NDUFAF6: variants seen among roughly 807,000 people sequenced by gnomAD.
NDUFAF6 encodes NADH:ubiquinone oxidoreductase complex assembly factor 6.
In NDUFAF6, 45 loss-of-function variants were observed where a neutral mutation model predicts 40.8. The observed-to-expected ratio is 1.10, with a 90% CI of 0.87 to 1.42. The LOEUF is 1.42. Among genes scored for constraint, NDUFAF6 ranks in the 40% most tolerant of loss-of-function variants. NDUFAF6 has a pLI of 0.00. For missense variants in NDUFAF6, 435 were observed against 418.5 expected (o/e 1.04, Z -0.34); for synonymous variants, 185 against 155.9 (o/e 1.19, Z -1.39).
At chr8:95,037,274 T>A (rs1425001540) in intron 3 of NDUFAF6, among the ~76,000 whole-genome samples, 1 of 152,230 alleles carries the variant, frequency 6.6e-6, no homozygotes, top group Non-Finnish European at 1.5e-5. Flanking sequence ...ATTTACTTTT[T>A]TACCTTGGTC....
upstream of NDUFAF6, among the ~76,000 whole-genome samples, chr8:94,957,179 A>G (rs938285768): frequency 1.3e-5 from 2 of 152,178 alleles, no homozygotes; most frequent in African/African-American, 4.8e-5. Flanking sequence ...CTCAAAAAAT[A>G]AAAAATGGGG....
upstream of NDUFAF6, among the ~76,000 whole-genome samples, chr8:94,956,177 A>G (rs1039839512): frequency 6.6e-6 from 1 of 152,192 alleles, no homozygotes; most frequent in African/African-American, 2.4e-5. Context: ...TTAATGAGAT[A>G]ATGCATGTAA....
At chr8:94,951,200 AAAAG>A (rs1290716353) in intron 2 of NDUFAF6, 8 of 152,246 alleles carry the variant, frequency 5.3e-5, no homozygotes, top group African/African-American at 1.9e-4. Flanking sequence ...AGGCTATGTG[AAAAG>A]AAAGAGATGC....
At position 94,917,751 on chromosome 8, in the gene NDUFAF6, C is replaced by G. The variant is rs942812384; in HGVS notation, c.-936+21824C>G. Among the ~76,000 whole-genome samples the G allele has an allele frequency of 1.2e-4, 18 of 152,176 alleles. 1 individual carries two copies. Among genetic ancestry groups the G allele is most frequent in the African/African-American group, 3.9e-4 (16 of 41,440 alleles). On this transcript the variant is annotated intron_variant, in intron 1 of 14. Transcript: ENST00000396113. ...AAACTAATGTTATCCTGCTCTTTGT[C>G]AAATCCTCCCCTAAATGTTATGAAT...
At position 94,899,953 on chromosome 8, in the gene NDUFAF6, C is replaced by T. The variant is rs1234636055; in HGVS notation, c.-936+4026C>T. ...ACATGGAGCTGTCCACATCCCCTGT[C>T]CTTCTCACCTTGGGACCTTGGCACC... On this transcript the variant is annotated intron_variant, in intron 1 of 14. Coordinates refer to the NDUFAF6 transcript ENST00000396113. Among the ~76,000 whole-genome samples the T allele has an allele frequency of 2.0e-5, 3 of 152,212 alleles. No homozygotes were observed. In the East Asian group the frequency reaches 5.8e-4, roughly 29 times the overall value.
intron 2 of NDUFAF6, chr8:94,950,342 ACTGT>A (rs1285987181): frequency 6.6e-6 from 1 of 152,298 alleles, no homozygotes; most frequent in African/African-American, 2.4e-5. Flanking sequence ...AGGTGGATTA[ACTGT>A]CTGGCAAAGG....
At chr8:94,956,505 C>T (rs1326758048), upstream of NDUFAF6, among the ~76,000 whole-genome samples, 4 of 152,112 alleles carry the variant, frequency 2.6e-5, no homozygotes, top group Admixed American at 1.3e-4. Flanking sequence ...GAGACCAGAT[C>T]AGAGAGGTGG....
At chr8:95,040,210 C>T (rs915803095) in intron 3 of NDUFAF6, among the ~76,000 whole-genome samples, 4 of 152,106 alleles carry the variant, frequency 2.6e-5, no homozygotes, top group African/African-American at 9.7e-5. Flanking sequence ...TTGGATTTGT[C>T]TGATGTTTTG....
At chr8:95,036,249 G>A in intron 3 of NDUFAF6, 1 of 1,203,016 alleles carries the variant, frequency 8.3e-7, no homozygotes, top group Non-Finnish European at 1.1e-6. Context: ...TATGAGAGGA[G>A]GAAGGGAATT....
intron 1 of NDUFAF6, among the ~76,000 whole-genome samples, chr8:94,960,551 T>C (rs1436087282): frequency 1.3e-5 from 2 of 152,224 alleles, no homozygotes; most frequent in African/African-American, 4.8e-5. Flanking sequence ...GATGCCTTGC[T>C]TGGTGCACAG....
chr8:95,001,434 C>G (rs1826729946), intron 2 of NDUFAF6, among the ~76,000 whole-genome samples: 1 of 152,092 alleles, frequency 6.6e-6, no homozygotes, highest in Non-Finnish European at 1.5e-5. Context: ...GAGCACCAGG[C>G]CCTCAACCTT....
downstream of NDUFAF6, among the ~76,000 whole-genome samples, chr8:95,079,688 G>A (rs954676024): frequency 6.6e-6 from 1 of 150,520 alleles, no homozygotes; most frequent in Non-Finnish European, 1.5e-5. Context: ...CTTGAAGGAA[G>A]AAGAAATAAC....
intron 1 of NDUFAF6, among the ~76,000 whole-genome samples, chr8:94,923,879 C>T (rs532818761): frequency 1.3e-3 from 203 of 150,454 alleles, no homozygotes; most frequent in African/African-American, 4.7e-3. Context: ...TAGTATAGGC[C>T]GGGTTTCACC....
At chr8:94,963,068 G>A (rs1285335437) in intron 1 of NDUFAF6, among the ~76,000 whole-genome samples, 1 of 151,806 alleles carries the variant, frequency 6.6e-6, no homozygotes, top group Non-Finnish European at 1.5e-5. Flanking sequence ...TGGGATTACA[G>A]ACAGGCGTGA....
intron 9 of NDUFAF6, among the ~76,000 whole-genome samples, chr8:95,065,483 A>C (rs1428913145): frequency 2.6e-5 from 4 of 152,156 alleles, no homozygotes; most frequent in African/African-American, 9.7e-5. Flanking sequence ...TACATTCTAC[A>C]TATTGTTTTT....
intron 1 of NDUFAF6, among the ~76,000 whole-genome samples, chr8:94,907,605 A>G (rs556274439): frequency 6.6e-6 from 1 of 152,310 alleles, no homozygotes; most frequent in African/African-American, 2.4e-5. Context: ...TACTTGTCCA[A>G]GCTGAATAAT....
chr8:95,118,185 C>T (rs1654045535), downstream of NDUFAF6, among the ~76,000 whole-genome samples: 1 of 152,210 alleles, frequency 6.6e-6, no homozygotes, highest in African/African-American at 2.4e-5. Flanking sequence ...AGTCTCACTG[C>T]ATGGGTTCTG....
At chr8:94,969,008 AT>A (rs1363926832) in intron 1 of NDUFAF6, among the ~76,000 whole-genome samples, 2 of 152,202 alleles carry the variant, frequency 1.3e-5, no homozygotes. Context: ...GCAAATCAAG[AT>A]TTTGACCATG....
intron 9 of NDUFAF6, among the ~76,000 whole-genome samples, chr8:95,074,536 G>T (rs1016190671): frequency 3.5e-5 from 4 of 113,662 alleles, no homozygotes; most frequent in African/African-American, 1.5e-4. Flanking sequence ...AATGTCCTAT[G>T]TCTAAAACTG....
Sources: gnomAD v4.1 joint callset for allele counts (sites outside exome capture counted in the v4.1 genomes callset) on GRCh38, gnomAD v4.1.1 for gene constraint, MANE v1.5 for transcripts, NCBI Gene and HGNC (gene_info 2026-07-23, HGNC 2026-07-21) for gene names.